ANKS1B: variants seen among roughly 807,000 people sequenced by gnomAD.
The protein encoded by ANKS1B is ankyrin repeat and sterile alpha motif domain containing 1B, also known as ankyrin repeat and sterile alpha motif domain-containing protein 1B.
A neutral mutation model predicts 148.3 loss-of-function variants in ANKS1B; 36 were observed. The ratio of observed to expected loss-of-function variants is 0.24; its 90% confidence interval spans 0.19 to 0.32. The LOEUF (loss-of-function observed/expected upper bound fraction) is 0.32, where lower values mean the gene tolerates loss of function less well. Among genes scored for constraint, ANKS1B ranks in the 10% least tolerant of loss-of-function variants. ANKS1B has a pLI of 1.00. For synonymous variants in ANKS1B, 542 were observed against 560.8 expected, an observed-to-expected ratio of 0.97 and a Z score of 0.47; for missense variants, 1,157 against 1,542.6, an observed-to-expected ratio of 0.75 and a Z score of 4.19.
chr12:99,496,067 CT>C (rs67784973), intron 10 of ANKS1B, among the ~76,000 whole-genome samples: 28,668 of 152,034 alleles, frequency 0.19, 2,744 homozygotes, highest in Middle Eastern at 0.2. Context: ...TGAATGTGTC[CT>C]TTTTTTATCA....
At chr12:98,975,098 CCCT>C (rs144787384) in intron 17 of ANKS1B, among the ~76,000 whole-genome samples, 15,824 of 138,316 alleles carry the variant, frequency 0.11, 2,117 homozygotes, top group African/African-American at 0.33. Context: ...CTACTTCCCT[CCCT>C]CCTACTTTCT....
intron 8 of ANKS1B, among the ~76,000 whole-genome samples, chr12:99,680,192 G>A (rs1374616612): frequency 2.0e-5 from 3 of 152,222 alleles, no homozygotes; most frequent in Non-Finnish European, 4.4e-5. Context: ...TGTAATCCCA[G>A]CACTTTGGGA....
In ANKS1B at chr12:99,143,671, G is replaced by T. The variant is rs189571468; in HGVS notation, c.2526+10618C>A. On this transcript the variant is annotated intron_variant, in intron 15 of 26. Coordinates refer to ENST00000683438, the MANE Select transcript of ANKS1B (RefSeq NM_001352186.2). ...TGACTGCCACTCAGAAGGTCTCATG[G>T]TCTGAGAACAAACTTGACCTGGAAA... 2.9e-3 allele frequency among the ~76,000 whole-genome samples: 437 copies of T among 152,174 alleles called. 4 individuals are homozygous for T. Among genetic ancestry groups the T allele is most frequent in the African/African-American group, 9.9e-3 (410 of 41,548 alleles).
chr12:99,816,500 A>C (rs1431422675), intron 2 of ANKS1B, among the ~76,000 whole-genome samples: 1 of 151,372 alleles, frequency 6.6e-6, no homozygotes, highest in Non-Finnish European at 1.5e-5. Context: ...CCATTTATTT[A>C]TTTTCGTTTT....
intron 9 of ANKS1B, among the ~76,000 whole-genome samples, chr12:99,521,249 CTCTT>C (rs1470697021): frequency 1.3e-5 from 2 of 152,140 alleles, no homozygotes; most frequent in African/African-American, 2.4e-5. Context: ...TTATTTCATT[CTCTT>C]TGTTAAATTT....
At chr12:99,292,907 T>A (rs138443098) in intron 12 of ANKS1B, among the ~76,000 whole-genome samples, 281 of 152,208 alleles carry the variant, frequency 1.8e-3, no homozygotes, top group African/African-American at 6.5e-3. Context: ...TTGGTGGGAG[T>A]GTAAATTAGT....
chr12:98,962,575 T>C (rs2099873314), intron 17 of ANKS1B, among the ~76,000 whole-genome samples: 1 of 152,018 alleles, frequency 6.6e-6, no homozygotes, highest in Non-Finnish European at 1.5e-5. Context: ...TCAGATGTAA[T>C]CTGCAATACA....
intron 14 of ANKS1B, among the ~76,000 whole-genome samples, chr12:99,162,563 T>C (rs1184413677): frequency 6.6e-6 from 1 of 152,042 alleles, no homozygotes; most frequent in Non-Finnish European, 1.5e-5. Flanking sequence ...GCATCATCCA[T>C]CCTCCCTGCA....
At chr12:99,928,087 G>A (rs2094517358) in intron 1 of ANKS1B, among the ~76,000 whole-genome samples, 1 of 151,840 alleles carries the variant, frequency 6.6e-6, no homozygotes, top group South Asian at 2.1e-4. Flanking sequence ...TTATGAAGTA[G>A]TTATTCATAC....
At chr12:99,697,359 TAAAC>T (rs2054093428) in intron 8 of ANKS1B, among the ~76,000 whole-genome samples, 1 of 152,146 alleles carries the variant, frequency 6.6e-6, no homozygotes, top group Non-Finnish European at 1.5e-5. Context: ...GTGGAACAGA[TAAAC>T]AAACTGTGGT....
At chr12:99,813,010 C>G (rs2068626424) in intron 2 of ANKS1B, among the ~76,000 whole-genome samples, 1 of 151,692 alleles carries the variant, frequency 6.6e-6, no homozygotes, top group African/African-American at 2.4e-5. Context: ...GCACACAACA[C>G]ACTTTGAGTA....
At chr12:99,565,271 A>T (rs970414255) in intron 9 of ANKS1B, among the ~76,000 whole-genome samples, 4 of 152,188 alleles carry the variant, frequency 2.6e-5, no homozygotes, top group African/African-American at 9.6e-5. Context: ...CTAAAATGGC[A>T]TCAACTAAAT....
chr12:98,999,352 A>G (rs1373619623), intron 17 of ANKS1B, among the ~76,000 whole-genome samples: 1 of 152,064 alleles, frequency 6.6e-6, no homozygotes, highest in African/African-American at 2.4e-5. Context: ...TTTCTAATCA[A>G]TTTTGTTTTT....
At chr12:98,785,921 A>G (rs1187577344) in intron 22 of ANKS1B, among the ~76,000 whole-genome samples, 2 of 152,160 alleles carry the variant, frequency 1.3e-5, no homozygotes, top group Non-Finnish European at 2.9e-5. Context: ...ACCTTCTGTT[A>G]TCGTTTTCTT....
intron 1 of ANKS1B, among the ~76,000 whole-genome samples, chr12:99,884,655 C>G (rs1332031329): frequency 1.3e-5 from 2 of 152,048 alleles, no homozygotes; most frequent in African/African-American, 2.4e-5. Context: ...ACACTATATA[C>G]CATATAATTC....
intron 15 of ANKS1B, among the ~76,000 whole-genome samples, chr12:99,093,120 A>G (rs930700054): frequency 6.6e-6 from 1 of 152,216 alleles, no homozygotes; most frequent in African/African-American, 2.4e-5. Flanking sequence ...AGTTACTCCC[A>G]TGACCCTATT....
At chr12:98,814,614 G>A (rs1488202044) in intron 19 of ANKS1B, among the ~76,000 whole-genome samples, 1 of 152,146 alleles carries the variant, frequency 6.6e-6, no homozygotes, top group Non-Finnish European at 1.5e-5. Flanking sequence ...AGCATACCTA[G>A]GTGTCAAAAG....
At chr12:99,556,168 T>C (rs2097274070) in intron 9 of ANKS1B, among the ~76,000 whole-genome samples, 2 of 152,192 alleles carry the variant, frequency 1.3e-5, no homozygotes, top group Non-Finnish European at 2.9e-5. Flanking sequence ...GGAAGTTGCA[T>C]GTTTCCAGGA....
At chr12:99,751,770 A>G (rs2061131609) in intron 8 of ANKS1B, among the ~76,000 whole-genome samples, 2 of 152,112 alleles carry the variant, frequency 1.3e-5, no homozygotes, top group Admixed American at 6.6e-5. Flanking sequence ...ACTTACTACA[A>G]TTACAACCAC....
Sources: gnomAD v4.1 joint callset for allele counts (sites outside exome capture counted in the v4.1 genomes callset) on GRCh38, gnomAD v4.1.1 for gene constraint, MANE v1.5 for transcripts, NCBI Gene and HGNC (gene_info 2026-07-23, HGNC 2026-07-21) for gene names.